The following GIGYF1 variants were observed in gnomAD, a reference collection of about 807,000 sequenced individuals.
GIGYF1 encodes the protein GRB10-interacting GYF protein 1.
Under a neutral mutation model 147.1 loss-of-function variants are expected in GIGYF1, and 84 were observed. That is an observed-to-expected ratio of 0.57 (90% CI 0.48 to 0.68). The LOEUF is 0.68. Among genes scored for constraint, GIGYF1 ranks in the 30% least tolerant of loss-of-function variants. GIGYF1 has a pLI of 0.00. For synonymous variants in GIGYF1, 752 were observed against 589.5 expected, an observed-to-expected ratio of 1.28 and a Z score of -3.99; for missense variants, 1,485 against 1,393.7, an observed-to-expected ratio of 1.07 and a Z score of -1.04.
chr7:100,691,645 C>G (rs1347804146), intron 1 of GIGYF1, among the ~76,000 whole-genome samples: 2 of 151,992 alleles, frequency 1.3e-5, no homozygotes. Flanking sequence ...TCAGCTTACC[C>G]GGCTGAGCTT....
At chr7:100,685,766 A>G (rs766740488) in intron 12 of GIGYF1, among the ~76,000 whole-genome samples, 3 of 152,194 alleles carry the variant, frequency 2.0e-5, no homozygotes, top group South Asian at 2.1e-4. Flanking sequence ...TTCAAAGGTC[A>G]TTTTGATTAC....
rs1368442581 is a variant in GIGYF1 at position 100,683,098 on chromosome 7, C to T, written c.2326G>A (p.Glu776Lys). The T allele has an allele frequency of 6.3e-7, 1 of 1,590,780 alleles. No homozygotes were observed. The highest frequency in any genetic ancestry group is 8.5e-7 in the Non-Finnish European group (1 of 1,174,006). Reference sequence around the variant, plus strand: ...TGCCGCTCGCCCTCCAGCTGCAACTCCAGGAGCGTCTTCATGGACAGCCCC... The same window carrying T: ...TGCCGCTCGCCCTCCAGCTGCAACTTCAGGAGCGTCTTCATGGACAGCCCC... ...KQGLSMKTLL[E>K]LQLEGERQLH... The change falls in exon 22 of 27, where the codon GAG (glutamate) becomes AAG (lysine). Residue 776 changes from glutamate (E) to lysine (K), a missense_variant. Physicochemically the swap from Glu to Lys is moderately conservative, Grantham distance 56. Coordinates refer to ENST00000678049, the MANE Select transcript of GIGYF1 (RefSeq NM_001375765.1).
intron 5 of GIGYF1, 21 bp downstream of exon 5, chr7:100,687,960 C>A (rs1223991763): frequency 2.5e-6 from 4 of 1,609,328 alleles, no homozygotes; most frequent in Middle Eastern, 1.7e-4. Context: ...CACCGCCAAC[C>A]CCCCTCGCCC....
rs534864300 is a variant in GIGYF1, at chr7:100,684,575, C to T, written c.1504G>A (p.Gly502Ser). Reference sequence around the variant, plus strand: ...ACCAGCAGTGACATGGAAAAGTAGCCGGCCTGGAACCACTCTGCCATCTCC... The same window carrying T: ...ACCAGCAGTGACATGGAAAAGTAGCTGGCCTGGAACCACTCTGCCATCTCC... ...TQEMAEWFQA[G>S]YFSMSLLVKR... The change falls in exon 16 of 27, where the codon GGC (glycine) becomes AGC (serine). Residue 502 changes from glycine (G) to serine (S), a missense_variant. Physicochemically the swap from Gly to Ser is moderately conservative, Grantham distance 56. Transcript: ENST00000678049. 2.5e-6 allele frequency: 4 copies of T among 1,614,054 alleles called. No homozygotes were observed. Among genetic ancestry groups the T allele is most frequent in the African/African-American group, 1.3e-5 (1 of 74,944 alleles).
In GIGYF1 at chr7:100,684,457, G is replaced by A; in HGVS notation, c.1622C>T (p.Pro541Leu). 1.9e-6 allele frequency: 3 copies of A among 1,612,678 alleles called. No individual in the cohort carries two copies. Among genetic ancestry groups the A allele is most frequent in the East Asian group, 2.2e-5 (1 of 44,886 alleles). Residue 541 changes from proline to leucine, a missense_variant, in exon 16 of 27, where the codon CCA becomes CTA. Transcript: ENST00000678049. ...VPFAPGPSPP[P>L]LLGNMDQERL... Reference sequence around the variant, plus strand: ...AGGGGAGAAGCGGCTCACCAGCAGTGGGGGAGGTGAGGGCCCTGGGGCAAA... The same window carrying A: ...AGGGGAGAAGCGGCTCACCAGCAGTAGGGGAGGTGAGGGCCCTGGGGCAAA...
chr7:100,682,854 C>G, intron 22 of GIGYF1, 77 bp from the exon 23 acceptor site: 1 of 1,414,848 alleles, frequency 7.1e-7, no homozygotes, highest in Non-Finnish European at 9.4e-7. Context: ...GTTTAGGTGG[C>G]AAAGGGAGAC....
In GIGYF1 at chr7:100,682,996, T is replaced by C. The variant is rs1209231051; in HGVS notation, c.2412+16A>G. 1.3e-6 allele frequency: 2 copies of C among 1,488,262 alleles called. No homozygotes were observed. Among genetic ancestry groups the C allele is most frequent in the Non-Finnish European group, 1.8e-6 (2 of 1,119,612 alleles). The allele number at this position is 1,488,262 out of a possible 1,614,324, so 92.2% of individuals were successfully genotyped here. ...GAAACTGTAGGGGGAGCCCGGGAGG[T>C]TCCCGGCCTGCTCACCACTCGGTGG... On this transcript the variant is annotated intron_variant, in intron 22 of 26. Coordinates refer to ENST00000678049, the MANE Select transcript of GIGYF1 (RefSeq NM_001375765.1).
In GIGYF1 at chr7:100,686,652, GGCTGGCGGA is replaced by G; in HGVS notation, c.682_690del (p.Ser228_Ser230del). ...TGCTACCAGGCCCCAATCTCACCAG[GGCTGGCGGA>G]GCGCCAGCGGTCGCCGTCTCGCCGG... On this transcript the variant is annotated inframe_deletion, in exon 10 of 27. Coordinates refer to ENST00000678049, the MANE Select transcript of GIGYF1 (RefSeq NM_001375765.1). 1 of 1,610,574 alleles carries G rather than the reference GGCTGGCGGA, an allele frequency of 6.2e-7. No homozygotes were observed. The highest frequency in any genetic ancestry group is 8.5e-7 in the Non-Finnish European group (1 of 1,179,032).
At chr7:100,686,503 C>T (rs1805355759) in intron 10 of GIGYF1, 70 bp from the exon 11 acceptor site, 1 of 1,526,174 alleles carries the variant, frequency 6.6e-7, no homozygotes, top group Non-Finnish European at 8.8e-7. Flanking sequence ...TCTGCTGCAG[C>T]TCACGGAGCA....
Position 100,682,350 on chromosome 7 carries a change from G to A in GIGYF1, c.2733C>T (p.His911=), listed in dbSNP as rs1395703182. 5.6e-6 allele frequency: 9 copies of A among 1,613,236 alleles called. No homozygotes were observed. The South Asian group carries it at 9.9e-5, about 18-fold the overall frequency. Residue 911 remains histidine (H), a synonymous_variant, in exon 24 of 27, where the codon CAC becomes CAT. Coordinates refer to ENST00000678049, the MANE Select transcript of GIGYF1 (RefSeq NM_001375765.1). ...GFTQWCEQML[H]TLSATGSLDV... ...CCAGGCTGCCCGTGGCGCTCAGCGT[G>A]TGCAGCATCTGCTCGCACCACTGGG...
At chr7:100,683,696 G>C (rs543056325) in intron 19 of GIGYF1, 64 bp from the exon 20 acceptor site, 1 of 1,564,988 alleles carries the variant, frequency 6.4e-7, no homozygotes. Context: ...ATCTAGTCCA[G>C]CCGCAGCAGT....
chr7:100,694,193 G>A lies in GIGYF1; in HGVS notation c.-1182C>T, dbSNP rs1228993785. On this transcript the variant is annotated 5_prime_UTR_variant, in exon 1 of 27. Transcript: ENST00000678049. ...GGGGACGGCGACGGCGGCTAGCAGC[G>A]GGGGAGGGGGCGCTGGCGCTCCCGC... 3.4e-5 allele frequency among the ~76,000 whole-genome samples: 5 copies of A among 145,988 alleles called. No individual in the cohort carries two copies. The highest frequency in any genetic ancestry group is 4.6e-5 in the Non-Finnish European group (3 of 65,714).
intron 8 of GIGYF1, 101 bp downstream of exon 8, chr7:100,687,197 C>T: frequency 6.9e-7 from 1 of 1,449,980 alleles, no homozygotes; most frequent in Non-Finnish European, 9.6e-7. Context: ...GGATCTCGGA[C>T]AGGGCTTATC....
Position 100,685,066 on chromosome 7 carries a change from A to T in GIGYF1, c.1273T>A (p.Leu425Met), listed in dbSNP as rs1412091041. 1 of 1,571,888 alleles carries T rather than the reference A, an allele frequency of 6.4e-7. No individual in the cohort carries two copies. The highest frequency in any genetic ancestry group is 1.2e-5 in the South Asian group (1 of 86,070). ...PPGDLEDDEG[L>M]KHLQQEAEKL... Reference sequence around the variant, plus strand: ...CCCCACACCTGCTGCAGGTGCTTCAAGCCTTCATCATCCTCCAGATCTCCG... The same window carrying T: ...CCCCACACCTGCTGCAGGTGCTTCATGCCTTCATCATCCTCCAGATCTCCG... Residue 425 changes from leucine to methionine, a missense_variant, in exon 14 of 27, where the codon TTG becomes ATG. Physicochemically the swap from Leu to Met is conservative, Grantham distance 15. Coordinates refer to ENST00000678049, the MANE Select transcript of GIGYF1 (RefSeq NM_001375765.1).
Position 100,686,011 on chromosome 7 carries a change from T to A in GIGYF1, c.1017A>T (p.Glu339Asp). ...LDFQGLEEEE[E>D]PSEGLEEEGP... ...CTTCCTCCTCTAGCCCTTCGGAAGGTTCCTCCTCCTCCTCCAACCCTTGGA... is the reference window on the plus strand; with the variant it reads ...CTTCCTCCTCTAGCCCTTCGGAAGGATCCTCCTCCTCCTCCAACCCTTGGA... The change falls in exon 12 of 27, where the codon GAA (glutamate) becomes GAT (aspartate). Residue 339 changes from glutamate to aspartate, a missense_variant. Glu to Asp is a conservative substitution (Grantham distance 45). Transcript: ENST00000678049. The A allele has an allele frequency of 6.2e-7, 1 of 1,612,552 alleles. No homozygotes were observed. The highest frequency in any genetic ancestry group is 8.5e-7 in the Non-Finnish European group (1 of 1,179,856).
At chr7:100,683,771 T>C (rs997912416) in intron 19 of GIGYF1, 47 bp downstream of exon 19, 9 of 1,573,746 alleles carry the variant, frequency 5.7e-6, no homozygotes, top group Non-Finnish European at 7.8e-6. Flanking sequence ...CAGACCCCAT[T>C]TCACCCGGAG....
chr7:100,688,526 C>T lies in GIGYF1; in HGVS notation c.-134-11G>A, dbSNP rs1036304083. On this transcript the variant is annotated splice_polypyrimidine_tract_variant and intron_variant, in intron 2 of 26. Coordinates refer to ENST00000678049, the MANE Select transcript of GIGYF1 (RefSeq NM_001375765.1). ...CAGACGGTGAAAGACCTGGGGGAGG[C>T]GAGGAGATGGGAAGCTCGAGTCCTT... 2 of 656,636 alleles carry T rather than the reference C, an allele frequency of 3.0e-6. No homozygotes were observed. The highest frequency in any genetic ancestry group is 2.8e-6 in the Non-Finnish European group (1 of 355,642). The allele number at this position is 656,636 out of a possible 1,614,324, so 40.7% of individuals were successfully genotyped here. A position where few individuals can be genotyped will look rare whatever the true frequency, so the allele number is the denominator to read the frequency against.
chr7:100,684,444 G>C lies in GIGYF1; in HGVS notation c.1629+6C>G. The C allele has an allele frequency of 6.2e-7, 1 of 1,612,078 alleles. No homozygotes were observed. Among genetic ancestry groups the C allele is most frequent in the Non-Finnish European group, 8.5e-7 (1 of 1,179,916 alleles). On this transcript the variant is annotated splice_donor_region_variant and intron_variant, in intron 16 of 26. Coordinates refer to ENST00000678049, the MANE Select transcript of GIGYF1 (RefSeq NM_001375765.1). Reference sequence around the variant, plus strand: ...TGTCCCTCCATGCAGGGGAGAAGCGGCTCACCAGCAGTGGGGGAGGTGAGG... The same window carrying C: ...TGTCCCTCCATGCAGGGGAGAAGCGCCTCACCAGCAGTGGGGGAGGTGAGG...
At chr7:100,692,253 G>A (rs1247882319) in intron 1 of GIGYF1, among the ~76,000 whole-genome samples, 1 of 152,206 alleles carries the variant, frequency 6.6e-6, no homozygotes, top group Non-Finnish European at 1.5e-5. Flanking sequence ...TCTCCTCTCT[G>A]AGCCATCCCA....
Sources: gnomAD v4.1 joint callset for allele counts (sites outside exome capture counted in the v4.1 genomes callset) on GRCh38, gnomAD v4.1.1 for gene constraint, MANE v1.5 for transcripts, NCBI Gene and HGNC (gene_info 2026-07-23, HGNC 2026-07-21) for gene names.